COG2: variants seen among roughly 807,000 people sequenced by gnomAD.
COG2 encodes conserved oligomeric Golgi complex subunit 2.
A neutral mutation model predicts 90.6 loss-of-function variants in COG2; 52 were observed. The ratio of observed to expected loss-of-function variants is 0.57; its 90% CI spans 0.46 to 0.72. The LOEUF (loss-of-function observed/expected upper bound fraction) is 0.72, where lower values mean the gene tolerates loss of function less well. COG2 is among the 30% of genes least tolerant of loss of function. COG2 has a pLI of 0.00. For synonymous variants in COG2, 337 were observed against 320.4 expected, an observed-to-expected ratio of 1.05 and a Z score of -0.55; for missense variants, 829 against 891.2, an observed-to-expected ratio of 0.93 and a Z score of 0.89.
intron 1 of COG2, among the ~76,000 whole-genome samples, chr1:230,658,450 G>C (rs1215321609): frequency 1.3e-5 from 2 of 152,158 alleles, no homozygotes; most frequent in African/African-American, 4.8e-5. Flanking sequence ...GCACCTGCCA[G>C]ATGCCAGCCA....
At chr1:230,644,528 T>G (rs1661713505) in intron 1 of COG2, among the ~76,000 whole-genome samples, 1 of 152,198 alleles carries the variant, frequency 6.6e-6, no homozygotes, top group East Asian at 1.9e-4. Flanking sequence ...ATTGGGAGAT[T>G]TGAGATTGCT....
At chr1:230,678,099 C>A in intron 9 of COG2, 1 of 985,272 alleles carries the variant, frequency 1.0e-6, no homozygotes, top group South Asian at 4.7e-5. Flanking sequence ...TGGATTGAGC[C>A]CCTTTTAATT....
intron 1 of COG2, 52 bp downstream of exon 1, chr1:230,642,730 T>C (rs747045691): frequency 1.3e-5 from 21 of 1,556,322 alleles, no homozygotes; most frequent in Non-Finnish European, 1.7e-5. Flanking sequence ...GCCTCTGCCC[T>C]GTGCCCTCTG....
intron 5 of COG2, among the ~76,000 whole-genome samples, chr1:230,667,969 C>T (rs897248927): frequency 4.6e-5 from 7 of 152,038 alleles, no homozygotes; most frequent in Non-Finnish European, 8.8e-5. Context: ...GTGCCAGGTA[C>T]GTAAAGAATG....
chr1:230,679,087 C>T lies in COG2; in HGVS notation c.1166+35C>T, dbSNP rs368731244. The T allele has an allele frequency of 3.0e-4, 475 of 1,571,794 alleles. 1 individual carries two copies. Among genetic ancestry groups the T allele is most frequent in the Admixed American group, 4.2e-4 (23 of 55,302 alleles). On this transcript the variant is annotated intron_variant, in intron 10 of 17. Coordinates refer to ENST00000366669, the MANE Select transcript of COG2 (RefSeq NM_007357.3). ...CTATTCACCGCCCCCGCCCCGCACC[C>T]TTCTAAAACAGAATTGGAATGCCAG... is the stretch of plus-strand genomic sequence containing the variant.
chr1:230,683,118 A>AT (rs550533176), intron 10 of COG2: 23 of 156,544 alleles, frequency 1.5e-4, no homozygotes, highest in African/African-American at 5.0e-4. Context: ...ACTTCCTGTG[A>AT]TTTTTCTCAA....
At chr1:230,663,771 T>A (rs1483784887) in intron 4 of COG2, among the ~76,000 whole-genome samples, 1 of 152,226 alleles carries the variant, frequency 6.6e-6, no homozygotes, top group Non-Finnish European at 1.5e-5. Flanking sequence ...GAATTGGCAC[T>A]TAACGTTTAT....
chr1:230,670,503 T>G (rs1662422483), intron 7 of COG2: 1 of 152,234 alleles, frequency 6.6e-6, no homozygotes, highest in African/African-American at 2.4e-5. Flanking sequence ...TTGTTAAGAT[T>G]ACTAAAAATA....
rs1349190357 is a variant in COG2, at chr1:230,659,472, C to T, written c.81C>T (p.Phe27=). Residue 27 remains phenylalanine (F), a synonymous_variant, in exon 2 of 18, where the codon TTC becomes TTT. Coordinates refer to ENST00000366669, the MANE Select transcript of COG2 (RefSeq NM_007357.3). Reference sequence around the variant, plus strand: ...CTGGTTTTATTTTTCAGGAAGATTTCGATGTCGATCATTTTGTGTCTGACT... The same window carrying T: ...CTGGTTTTATTTTTCAGGAAGATTTTGATGTCGATCATTTTGTGTCTGACT... ...FDKDEFMKED[F]DVDHFVSDCR... is the part of the protein sequence containing the mutation. The T allele has an allele frequency of 1.2e-5, 19 of 1,613,018 alleles. No individual in the cohort carries two copies. The highest frequency in any genetic ancestry group is 2.2e-5 in the East Asian group (1 of 44,872).
chr1:230,673,828 G>A (rs1662519550), intron 8 of COG2, among the ~76,000 whole-genome samples: 2 of 152,104 alleles, frequency 1.3e-5, no homozygotes, highest in Admixed American at 1.3e-4. Flanking sequence ...GCTCTTCCTG[G>A]ACAGTGAAGC....
intron 11 of COG2, among the ~76,000 whole-genome samples, 186 bp from the exon 12 acceptor site, chr1:230,684,899 T>C (rs922117298): frequency 6.6e-6 from 1 of 152,194 alleles, no homozygotes; most frequent in Non-Finnish European, 1.5e-5. Flanking sequence ...ATGAAGGATG[T>C]GGTAGGGAAC....
chr1:230,691,361 A>G (rs1245656058), intron 16 of COG2, 23 bp from the exon 17 acceptor site: 1 of 1,575,110 alleles, frequency 6.3e-7, no homozygotes, highest in Non-Finnish European at 8.6e-7. Flanking sequence ...TCTTTTCACC[A>G]ATAAACGTGT....
intron 5 of COG2, among the ~76,000 whole-genome samples, chr1:230,668,288 T>A (rs75029400): frequency 0.038 from 5,777 of 150,518 alleles, 349 homozygotes; most frequent in African/African-American, 0.13. Context: ...AAGAGGGAAA[T>A]AGAAGGGAGG....
At chr1:230,680,271 T>C (rs945443355) in intron 10 of COG2, 3 of 152,184 alleles carry the variant, frequency 2.0e-5, no homozygotes, top group Admixed American at 1.3e-4. Context: ...CCATCTCTTT[T>C]TGTCGTCCAG....
chr1:230,671,429 A>G, intron 7 of COG2, 87 bp from the exon 8 acceptor site: 1 of 1,250,676 alleles, frequency 8.0e-7, no homozygotes, highest in Non-Finnish European at 1.1e-6. Context: ...GCAGATTTGT[A>G]AAGTTTTCTT....
intron 1 of COG2, among the ~76,000 whole-genome samples, chr1:230,645,900 G>A (rs1661762662): frequency 6.6e-6 from 1 of 152,142 alleles, no homozygotes; most frequent in African/African-American, 2.4e-5. Context: ...TCTGACAGGA[G>A]GCGGAGCTCC....
chr1:230,688,308 C>T, intron 14 of COG2, 112 bp from the exon 15 acceptor site: 1 of 1,373,962 alleles, frequency 7.3e-7, no homozygotes, highest in South Asian at 1.3e-5. Context: ...TTATTTAATT[C>T]ATTTGATCTG....
chr1:230,691,335 G>A (rs375307485), intron 16 of COG2, 49 bp from the exon 17 acceptor site: 105 of 1,506,774 alleles, frequency 7.0e-5, no homozygotes, highest in Non-Finnish European at 9.1e-5. Flanking sequence ...TCTATTTGGT[G>A]TTACACACAA....
At chr1:230,665,201 A>G (rs11586594) in intron 5 of COG2, among the ~76,000 whole-genome samples, 6,300 of 152,274 alleles carry the variant, frequency 0.041, 247 homozygotes, top group East Asian at 0.16. Flanking sequence ...TGCAGTGGAA[A>G]GAGCATGGGC....
Sources: allele counts gnomAD v4.1 joint callset (sites outside exome capture counted in the v4.1 genomes callset), GRCh38; gene constraint gnomAD v4.1.1; transcripts MANE v1.5; gene names NCBI Gene and HGNC (gene_info 2026-07-23, HGNC 2026-07-21).